The following ALK variants were observed in gnomAD, a reference collection of about 807,000 sequenced individuals.
ALK encodes the protein ALK receptor tyrosine kinase.
Under a neutral mutation model 163.1 loss-of-function variants are expected in ALK, and 74 were observed. The observed-to-expected ratio is 0.45, with a 90% CI of 0.38 to 0.55. ALK has a LOEUF of 0.55. Among genes scored for constraint, ALK ranks in the 20% least tolerant of loss-of-function variants. The pLI is 0.00. For synonymous variants in ALK, 960 were observed against 843.2 expected, an observed-to-expected ratio of 1.14 and a Z score of -2.40; for missense variants, 2,063 against 2,105.3, an observed-to-expected ratio of 0.98 and a Z score of 0.39.
chr2:29,407,541 T>A (rs1285321464), intron 4 of ALK, among the ~76,000 whole-genome samples: 1 of 152,240 alleles, frequency 6.6e-6, no homozygotes, highest in Non-Finnish European at 1.5e-5. Context: ...CCTGTCCAAC[T>A]TCAAAACCAC....
chr2:29,716,758 T>A (rs1679267717), intron 2 of ALK, among the ~76,000 whole-genome samples: 1 of 151,874 alleles, frequency 6.6e-6, no homozygotes, highest in Non-Finnish European at 1.5e-5. Context: ...CAAAATAATA[T>A]CAAAGAACAT....
intron 1 of ALK, among the ~76,000 whole-genome samples, chr2:29,793,893 G>A (rs142541414): frequency 2.2e-4 from 33 of 152,206 alleles, no homozygotes; most frequent in Non-Finnish European, 3.4e-4. Context: ...AAAGCCCTGG[G>A]ATTGTCAGAA....
intron 8 of ALK, among the ~76,000 whole-genome samples, chr2:29,301,114 C>T (rs949221660): frequency 2.6e-5 from 4 of 152,208 alleles, no homozygotes; most frequent in South Asian, 2.1e-4. Flanking sequence ...TGAATGAATG[C>T]GGGTTCCAGA....
intron 3 of ALK, among the ~76,000 whole-genome samples, chr2:29,677,916 A>G (rs901731754): frequency 7.9e-5 from 12 of 151,998 alleles, no homozygotes; most frequent in African/African-American, 2.7e-4. Context: ...CTGGGTCTGG[A>G]CTTTTCTTTT....
chr2:29,679,398 T>A (rs955894557), intron 3 of ALK, among the ~76,000 whole-genome samples: 1 of 151,816 alleles, frequency 6.6e-6, no homozygotes, highest in Non-Finnish European at 1.5e-5. Flanking sequence ...ACCATTTTAA[T>A]CGTTTATTTA....
intron 11 of ALK, among the ~76,000 whole-genome samples, chr2:29,273,753 C>T (rs1051621503): frequency 6.6e-6 from 1 of 152,194 alleles, no homozygotes; most frequent in Non-Finnish European, 1.5e-5. Context: ...GGAAGTCTGG[C>T]TTCTTCCCTC....
At chr2:29,880,170 C>T (rs1204874361) in intron 1 of ALK, among the ~76,000 whole-genome samples, 2 of 152,222 alleles carry the variant, frequency 1.3e-5, no homozygotes, top group Admixed American at 1.3e-4. Flanking sequence ...TTTATCATCT[C>T]TCAGAGAAAA....
chr2:29,718,714 C>A (rs1259294902), intron 1 of ALK, among the ~76,000 whole-genome samples: 2 of 152,124 alleles, frequency 1.3e-5, no homozygotes, highest in African/African-American at 4.8e-5. Context: ...TCAACTGAGA[C>A]CTAGAGAGGC....
At chr2:29,825,014 G>A (rs533740023) in intron 1 of ALK, among the ~76,000 whole-genome samples, 2 of 152,284 alleles carry the variant, frequency 1.3e-5, no homozygotes, top group Non-Finnish European at 2.9e-5. Flanking sequence ...AGTCTTTCCT[G>A]TGCTGTTCTC....
intron 3 of ALK, among the ~76,000 whole-genome samples, chr2:29,581,419 G>C (rs1005279846): frequency 2.0e-5 from 3 of 151,248 alleles, no homozygotes; most frequent in Admixed American, 6.6e-5. Context: ...AAGAGTCAAA[G>C]CATGAGCAGA....
chr2:29,768,170 A>T (rs188126485), intron 1 of ALK, among the ~76,000 whole-genome samples: 2 of 152,332 alleles, frequency 1.3e-5, no homozygotes, highest in East Asian at 3.9e-4. Flanking sequence ...TGCAGTGAGC[A>T]TGCCCATCCT....
chr2:29,800,982 G>A (rs909114550), intron 1 of ALK, among the ~76,000 whole-genome samples: 3 of 151,990 alleles, frequency 2.0e-5, no homozygotes, highest in East Asian at 1.9e-4. Flanking sequence ...CACCCAAATC[G>A]GGGTAGGTGG....
chr2:29,635,613 G>GTTTTA (rs1244542732), intron 3 of ALK, among the ~76,000 whole-genome samples: 1 of 151,758 alleles, frequency 6.6e-6, no homozygotes, highest in Non-Finnish European at 1.5e-5. Flanking sequence ...CATTTCTATT[G>GTTTTA]TTTTATTTTA....
intron 1 of ALK, among the ~76,000 whole-genome samples, chr2:29,870,741 C>T (rs1666557532): frequency 6.6e-6 from 1 of 152,156 alleles, no homozygotes; most frequent in Non-Finnish European, 1.5e-5. Flanking sequence ...GTACCTTAAA[C>T]TAATGGTGTT....
intron 2 of ALK, among the ~76,000 whole-genome samples, chr2:29,698,513 C>T (rs1264724606): frequency 1.3e-5 from 2 of 152,206 alleles, no homozygotes; most frequent in Non-Finnish European, 2.9e-5. Context: ...CATCCCCTAC[C>T]TTGATTTTTC....
At chr2:29,821,716 A>G (rs1665053137) in intron 1 of ALK, among the ~76,000 whole-genome samples, 1 of 152,138 alleles carries the variant, frequency 6.6e-6, no homozygotes, top group Non-Finnish European at 1.5e-5. Flanking sequence ...TCTGGAATGC[A>G]TTTCACCAAT....
intron 4 of ALK, among the ~76,000 whole-genome samples, chr2:29,414,870 T>C (rs974305833): frequency 6.6e-6 from 1 of 152,126 alleles, no homozygotes; most frequent in Admixed American, 6.5e-5. Context: ...CAAGAGTCTA[T>C]AATTGGGATC....
chr2:29,836,726 C>T (rs1452829777), intron 1 of ALK, among the ~76,000 whole-genome samples: 1 of 152,190 alleles, frequency 6.6e-6, no homozygotes, highest in Non-Finnish European at 1.5e-5. Flanking sequence ...GCTCCAAAAT[C>T]TATTTACTTT....
intron 4 of ALK, among the ~76,000 whole-genome samples, chr2:29,390,716 T>G (rs973360482): frequency 3.3e-5 from 5 of 152,258 alleles, no homozygotes; most frequent in African/African-American, 4.8e-5. Flanking sequence ...AATTTTTTAC[T>G]GTTTCCATTA....
Sources: allele counts gnomAD v4.1 joint callset (sites outside exome capture counted in the v4.1 genomes callset), GRCh38; gene constraint gnomAD v4.1.1; transcripts MANE v1.5; gene names NCBI Gene and HGNC (gene_info 2026-07-23, HGNC 2026-07-21).